The following CCDC144A variants were observed in gnomAD, a reference collection of about 807,000 sequenced individuals.
The protein encoded by CCDC144A is coiled-coil domain containing 144A, also known as coiled-coil domain-containing protein 144A.
CCDC144A carries 41 observed loss-of-function variants against 143.8 expected under a neutral mutation model. The observed-to-expected ratio is 0.29, with a 90% CI of 0.22 to 0.37. The LOEUF is 0.37. CCDC144A is among the 10% of genes least tolerant of loss of function. The pLI is 1.00. For synonymous variants in CCDC144A, 242 were observed against 517.9 expected (o/e 0.47, Z 7.23); for missense variants, 637 against 1,488.8 (o/e 0.43, Z 9.41).
intron 8 of CCDC144A, among the ~76,000 whole-genome samples, chr17:16,721,124 C>T (rs1174409164): frequency 6.6e-6 from 1 of 152,006 alleles, no homozygotes; most frequent in Non-Finnish European, 1.5e-5. Flanking sequence ...TATCCTGCAT[C>T]GTTTTTACTC....
intron 12 of CCDC144A, chr17:16,746,707 C>T: frequency 1.9e-6 from 3 of 1,611,932 alleles, no homozygotes; most frequent in Non-Finnish European, 1.7e-6. Flanking sequence ...GCGGGCGCAG[C>T]TGCTCCTCCA....
chr17:16,764,394 A>C, intron 15 of CCDC144A: 2 of 1,013,912 alleles, frequency 2.0e-6, no homozygotes, highest in Non-Finnish European at 2.7e-6. Context: ...AATAAATGTA[A>C]CCAAACTGAC....
intron 8 of CCDC144A, among the ~76,000 whole-genome samples, chr17:16,723,311 T>C (rs1913201661): frequency 1.3e-5 from 2 of 152,140 alleles, no homozygotes; most frequent in Non-Finnish European, 2.9e-5. Context: ...TCTATTCTTT[T>C]AGTATCTGTA....
At chr17:16,770,995 A>T (rs1205739460) in intron 15 of CCDC144A, among the ~76,000 whole-genome samples, 1 of 152,240 alleles carries the variant, frequency 6.6e-6, no homozygotes, top group Non-Finnish European at 1.5e-5. Flanking sequence ...GTTAGTAAAA[A>T]AAAAAATTGA....
At chr17:16,716,390 T>G (rs1297919043) in intron 6 of CCDC144A, among the ~76,000 whole-genome samples, 1 of 152,108 alleles carries the variant, frequency 6.6e-6, no homozygotes, top group Non-Finnish European at 1.5e-5. Flanking sequence ...TAATCTTTTT[T>G]TGTTCACTTT....
At chr17:16,721,189 G>A (rs1398735646) in intron 8 of CCDC144A, among the ~76,000 whole-genome samples, 7 of 151,770 alleles carry the variant, frequency 4.6e-5, no homozygotes, top group Non-Finnish European at 1.0e-4. Flanking sequence ...AGCACTGATA[G>A]CTTCAGTGAG....
intron 11 of CCDC144A, among the ~76,000 whole-genome samples, chr17:16,734,453 A>G (rs1913901032): frequency 6.6e-6 from 1 of 152,128 alleles, no homozygotes; most frequent in East Asian, 1.9e-4. Context: ...CAATTCTGAG[A>G]TGCTTAAAAA....
In CCDC144A at chr17:16,730,505, G is replaced by A. The variant is rs3104597; in HGVS notation, c.2106-1295G>A. 6.8e-5 allele frequency among the ~76,000 whole-genome samples: 8 copies of A among 117,308 alleles called. 2 individuals are homozygous for A. Among genetic ancestry groups the A allele is most frequent in the African/African-American group, 3.2e-4 (8 of 25,370 alleles). The allele number at this position is 117,308 out of a possible 152,430, so 77.0% of individuals were successfully genotyped here. ...GATTCCCTGTGAATTTTAGGGGTAC[G>A]TCCTCTAATTCTGTGAAGAATGACA... On this transcript the variant is annotated intron_variant, in intron 9 of 16. Transcript: ENST00000399273.
chr17:16,703,698 G>A (rs1471570446), intron 2 of CCDC144A, among the ~76,000 whole-genome samples: 1 of 151,964 alleles, frequency 6.6e-6, no homozygotes, highest in African/African-American at 2.4e-5. Context: ...CAGCTACTCG[G>A]GACGCTGAGG....
intron 12 of CCDC144A, among the ~76,000 whole-genome samples, chr17:16,749,475 T>A (rs1354125241): frequency 1.3e-5 from 2 of 152,226 alleles, no homozygotes; most frequent in Non-Finnish European, 2.9e-5. Context: ...TTTCATTTTT[T>A]AAAAATTTAT....
intron 12 of CCDC144A, among the ~76,000 whole-genome samples, chr17:16,752,095 C>A (rs1239461537): frequency 6.6e-6 from 1 of 152,182 alleles, no homozygotes; most frequent in Non-Finnish European, 1.5e-5. Context: ...TGGTCTGTGA[C>A]CTGTTAGGAA....
chr17:16,696,168 C>T (rs571256785), intron 2 of CCDC144A, among the ~76,000 whole-genome samples: 18 of 152,148 alleles, frequency 1.2e-4, no homozygotes, highest in Non-Finnish European at 2.6e-4. Context: ...GCGCGAGCCA[C>T]CATGCCCAGC....
At chr17:16,678,996 C>A in the CCDC144A span, among the ~76,000 whole-genome samples, 1 of 151,862 alleles carries the variant, frequency 6.6e-6, no homozygotes, top group East Asian at 1.9e-4. Context: ...TCAGGTGATC[C>A]GCCCGCCTCG....
chr17:16,687,203 A>G (rs913260923), upstream of CCDC144A, among the ~76,000 whole-genome samples: 1 of 152,036 alleles, frequency 6.6e-6, no homozygotes, highest in African/African-American at 2.4e-5. Flanking sequence ...TGTTCTGAAG[A>G]TCCTTTTTTT....
At chr17:16,766,754 A>C (rs923346086) in intron 15 of CCDC144A, among the ~76,000 whole-genome samples, 54 of 152,198 alleles carry the variant, frequency 3.5e-4, no homozygotes, top group African/African-American at 1.3e-3. Flanking sequence ...GTGGGGGAAA[A>C]AAAATAAATA....
At chr17:16,728,706 C>T (rs921985037) in intron 9 of CCDC144A, among the ~76,000 whole-genome samples, 9 of 151,992 alleles carry the variant, frequency 5.9e-5, no homozygotes, top group African/African-American at 2.2e-4. Context: ...CATTGTACCT[C>T]AGTAGGTAGT....
At chr17:16,698,729 G>A (rs1353825356) in intron 2 of CCDC144A, among the ~76,000 whole-genome samples, 3 of 152,116 alleles carry the variant, frequency 2.0e-5, no homozygotes, top group African/African-American at 4.8e-5. Flanking sequence ...CCAGATGCAC[G>A]TATATATCCT....
At chr17:16,677,217 C>T in the CCDC144A span, among the ~76,000 whole-genome samples, 1 of 152,210 alleles carries the variant, frequency 6.6e-6, no homozygotes, top group African/African-American at 2.4e-5. Context: ...CCCAAGCCCT[C>T]CCTCACCAAT....
rs576254141 is a variant in CCDC144A at position 16,690,957 on chromosome 17, G to C, written c.344+213G>C. Among the ~76,000 whole-genome samples the C allele has an allele frequency of 7.2e-4, 110 of 152,338 alleles. 1 individual carries two copies. The highest frequency in any genetic ancestry group is 1.4e-3 in the Non-Finnish European group (94 of 68,022). On this transcript the variant is annotated intron_variant, in intron 1 of 16. Transcript: ENST00000399273. ...TTTAAAAATATTGCACTTCCCAACT[G>C]TGTTTATCCATTTTCTCAATTTATT...
Sources: gnomAD v4.1 joint callset for allele counts (sites outside exome capture counted in the v4.1 genomes callset) on GRCh38, gnomAD v4.1.1 for gene constraint, MANE v1.5 for transcripts, NCBI Gene and HGNC (gene_info 2026-07-23, HGNC 2026-07-21) for gene names.